GPR176: variants seen among roughly 807,000 people sequenced by gnomAD.
The protein encoded by GPR176 is G protein-coupled receptor 176.
In GPR176, 26 loss-of-function variants were observed where a neutral mutation model predicts 35.4. The observed-to-expected ratio is 0.74, with a 90% CI of 0.54 to 1.02. The LOEUF (loss-of-function observed/expected upper bound fraction) is 1.02. Ranked by LOEUF, GPR176 falls within the 50% of genes least tolerant of loss-of-function variation. The pLI, the probability that GPR176 is intolerant of heterozygous loss-of-function variation, is 0.00. For missense variants in GPR176, 597 were observed against 665.3 expected (o/e 0.90, Z 1.13); for synonymous variants, 278 against 271.3 (o/e 1.02, Z -0.24).
intron 1 of GPR176, among the ~76,000 whole-genome samples, chr15:39,812,987 A>G (rs991340826): frequency 1.3e-5 from 2 of 152,110 alleles, no homozygotes; most frequent in African/African-American, 4.8e-5. Context: ...TGCCTGCCTC[A>G]GCCTCCCAAA....
chr15:39,907,919 A>G (rs1424877113), intron 1 of GPR176, among the ~76,000 whole-genome samples: 1 of 152,210 alleles, frequency 6.6e-6, no homozygotes, highest in Non-Finnish European at 1.5e-5. Flanking sequence ...CAGGAGGCGG[A>G]GGTTGCAGTG....
At chr15:39,874,665 T>C (rs1035083349) in intron 1 of GPR176, among the ~76,000 whole-genome samples, 1 of 152,252 alleles carries the variant, frequency 6.6e-6, no homozygotes, top group Non-Finnish European at 1.5e-5. Flanking sequence ...TCAATAAGAC[T>C]TGGAGTAATA....
At position 39,897,096 on chromosome 15, in the gene GPR176, A is replaced by G. The variant is rs140224812; in HGVS notation, c.172+22759T>C. On this transcript the variant is annotated intron_variant, in intron 1 of 2. Coordinates refer to ENST00000561100, the MANE Select transcript of GPR176 (RefSeq NM_007223.3). ...GTCATTACCCAAAGACAGATTGCCC[A>G]GGAAATCAGTAATGAGAAAAGAGGC... Among the ~76,000 whole-genome samples, 759 of 152,350 alleles carry G rather than the reference A, an allele frequency of 5.0e-3. 6 individuals are homozygous for G. Among genetic ancestry groups the G allele is most frequent in the African/African-American group, 0.018 (730 of 41,580 alleles).
Position 39,799,532 on chromosome 15 carries a change from G to GA in GPR176, c.*1599dup, listed in dbSNP as rs745309687. 1.3e-5 allele frequency: 2 copies of GA among 152,238 alleles called. No individual in the cohort carries two copies. Among genetic ancestry groups the GA allele is most frequent in the African/African-American group, 4.8e-5 (2 of 41,440 alleles). The allele number at this position is 152,238 out of a possible 1,614,324, so 9.4% of individuals were successfully genotyped here. ...AGACACCACACCCAAGAGAAGAAAG[G>GA]AAAACAAAACTCCCTACAGGGTCTG... On this transcript the variant is annotated 3_prime_UTR_variant, in exon 3 of 3. Transcript: ENST00000561100.
intron 1 of GPR176, among the ~76,000 whole-genome samples, chr15:39,863,857 C>T (rs1017211721): frequency 1.3e-5 from 2 of 152,146 alleles, no homozygotes; most frequent in East Asian, 3.8e-4. Context: ...ATGGTGTTAA[C>T]ACAGTGATGA....
intron 1 of GPR176, among the ~76,000 whole-genome samples, chr15:39,876,347 C>G (rs1043350277): frequency 6.6e-6 from 1 of 151,868 alleles, no homozygotes; most frequent in Non-Finnish European, 1.5e-5. Flanking sequence ...TTTCAGGAAC[C>G]TCTTTTTCCT....
At chr15:39,872,911 C>CTGTGTGTGTGTG (rs6145533) in intron 1 of GPR176, among the ~76,000 whole-genome samples, 9 of 141,392 alleles carry the variant, frequency 6.4e-5, no homozygotes, top group Non-Finnish European at 1.2e-4. Context: ...TCCAAAATAT[C>CTGTGTGTGTGTG]TGTGTGTGTG....
intron 1 of GPR176, among the ~76,000 whole-genome samples, chr15:39,817,359 A>G (rs1202143574): frequency 6.6e-6 from 1 of 152,242 alleles, no homozygotes; most frequent in East Asian, 1.9e-4. Flanking sequence ...GTAAATAAAT[A>G]CATAAATATT....
chr15:39,913,544 CAAAAAAA>C (rs112677908), intron 1 of GPR176, among the ~76,000 whole-genome samples: 1 of 118,006 alleles, frequency 8.5e-6, no homozygotes, highest in African/African-American at 3.1e-5. Flanking sequence ...GACCCTGTCT[CAAAAAAA>C]AAAAAGAAAA....
chr15:39,843,857 T>C (rs2030210196), intron 1 of GPR176, among the ~76,000 whole-genome samples: 1 of 152,136 alleles, frequency 6.6e-6, no homozygotes, highest in Admixed American at 6.6e-5. Flanking sequence ...TTTGACTCAC[T>C]TCCCTCATTT....
In GPR176 at chr15:39,800,303, C is replaced by T. The variant is rs940722626; in HGVS notation, c.*829G>A. 6.6e-6 allele frequency: 1 copy of T among 152,206 alleles called. No individual in the cohort carries two copies. Among genetic ancestry groups the T allele is most frequent in the African/African-American group, 2.4e-5 (1 of 41,438 alleles). The allele number at this position is 152,206 out of a possible 1,614,324, so 9.4% of individuals were successfully genotyped here. On this transcript the variant is annotated 3_prime_UTR_variant, in exon 3 of 3. Transcript: ENST00000561100. ...AAAAACTACAGCGCCATAGGCATCT[C>T]TCAGGCATCTCCCCCGTAAGCTTCT...
intron 1 of GPR176, among the ~76,000 whole-genome samples, 195 bp downstream of exon 1, chr15:39,919,660 G>A (rs978295192): frequency 5.9e-5 from 9 of 152,200 alleles, no homozygotes; most frequent in Admixed American, 2.0e-4. Flanking sequence ...GAACTCTTCT[G>A]CTCCCGCGTG....
At chr15:39,889,919 A>G (rs1028641085) in intron 1 of GPR176, among the ~76,000 whole-genome samples, 1 of 152,064 alleles carries the variant, frequency 6.6e-6, no homozygotes, top group Non-Finnish European at 1.5e-5. Context: ...CATCCCCTCA[A>G]TTCTCCATCT....
intron 1 of GPR176, among the ~76,000 whole-genome samples, chr15:39,869,152 T>TAAA (rs66463189): frequency 7.7e-6 from 1 of 130,018 alleles, no homozygotes; most frequent in Non-Finnish European, 1.6e-5. Flanking sequence ...AACTGCTTTT[T>TAAA]AAAAAAAAAA....
Position 39,819,908 on chromosome 15 carries a change from C to T in GPR176, c.173-12650G>A, listed in dbSNP as rs1055186937. 7.9e-5 allele frequency among the ~76,000 whole-genome samples: 12 copies of T among 152,176 alleles called. 1 individual carries two copies. Among genetic ancestry groups the T allele is most frequent in the African/African-American group, 2.9e-4 (12 of 41,438 alleles). On this transcript the variant is annotated intron_variant, in intron 1 of 2. Coordinates refer to ENST00000561100, the MANE Select transcript of GPR176 (RefSeq NM_007223.3). ...TTTTGGAAATGAAAGCTTCTTACTCCTTATGATCTGACACAATCTGACAAT... is the reference window on the plus strand; with the variant it reads ...TTTTGGAAATGAAAGCTTCTTACTCTTTATGATCTGACACAATCTGACAAT...
intron 1 of GPR176, among the ~76,000 whole-genome samples, chr15:39,913,177 T>C (rs1595526846): frequency 6.6e-6 from 1 of 152,224 alleles, no homozygotes; most frequent in African/African-American, 2.4e-5. Context: ...GAAAATATTA[T>C]GCTAAGTGAA....
chr15:39,895,879 A>G (rs1466098957), intron 1 of GPR176, among the ~76,000 whole-genome samples: 3 of 152,220 alleles, frequency 2.0e-5, no homozygotes, highest in African/African-American at 7.2e-5. Context: ...ATTATTGGTA[A>G]AACTATAAAC....
chr15:39,892,397 G>C (rs2032908159), intron 1 of GPR176, among the ~76,000 whole-genome samples: 2 of 152,206 alleles, frequency 1.3e-5, no homozygotes, highest in South Asian at 4.1e-4. Flanking sequence ...AGTGGATGTG[G>C]AGGAAGCAGA....
chr15:39,906,948 T>G (rs1178408879), intron 1 of GPR176, among the ~76,000 whole-genome samples: 2 of 152,226 alleles, frequency 1.3e-5, no homozygotes, highest in Admixed American at 1.3e-4. Context: ...CTCAAGGTGC[T>G]GCATTCTAAT....
Sources: allele counts gnomAD v4.1 joint callset (sites outside exome capture counted in the v4.1 genomes callset), GRCh38; gene constraint gnomAD v4.1.1; transcripts MANE v1.5; gene names NCBI Gene and HGNC (gene_info 2026-07-23, HGNC 2026-07-21).